CCDC148: variants seen among roughly 807,000 people sequenced by gnomAD.
CCDC148 encodes the protein coiled-coil domain-containing protein 148.
CCDC148 carries 89 observed loss-of-function variants against 85.7 expected under a neutral mutation model. The observed-to-expected ratio is 1.04, with a 90% CI of 0.87 to 1.24. The LOEUF is 1.24. Ranked by LOEUF, CCDC148 falls within the 50% of genes most tolerant of loss-of-function variation. The pLI is 0.00. For missense variants in CCDC148, 692 were observed against 671.7 expected, an observed-to-expected ratio of 1.03 and a Z score of -0.33; for synonymous variants, 230 against 213.9, an observed-to-expected ratio of 1.08 and a Z score of -0.66.
At chr2:158,243,511 T>C (rs941928745) in intron 10 of CCDC148, among the ~76,000 whole-genome samples, 1 of 152,142 alleles carries the variant, frequency 6.6e-6, no homozygotes, top group African/African-American at 2.4e-5. Context: ...CACAATCTTT[T>C]TGAAATAATC....
rs572405589 is a variant in CCDC148, at chr2:158,438,467, A to G, written c.25+17948T>C. Among the ~76,000 whole-genome samples, 157 of 152,340 alleles carry G rather than the reference A, an allele frequency of 1.0e-3. 5 individuals carry two copies. In the South Asian group the frequency reaches 0.03, roughly 29 times the overall value. On this transcript the variant is annotated intron_variant, in intron 1 of 13. Transcript: ENST00000283233. ...ATCCCTTCCTTACACCTTACACAAA[A>G]ATTAATTCAAGATGGATTAAAGACT...
intron 1 of CCDC148, among the ~76,000 whole-genome samples, chr2:158,449,454 C>T (rs1454971929): frequency 6.8e-6 from 1 of 147,842 alleles, no homozygotes; most frequent in Non-Finnish European, 1.5e-5. Context: ...TCCTTGGTTT[C>T]TTTTTTTTTT....
At chr2:158,315,039 T>A (rs1692215791) in intron 7 of CCDC148, among the ~76,000 whole-genome samples, 1 of 152,142 alleles carries the variant, frequency 6.6e-6, no homozygotes, top group Non-Finnish European at 1.5e-5. Flanking sequence ...CCTATCTGTT[T>A]CATAATAGGG....
intron 1 of CCDC148, among the ~76,000 whole-genome samples, chr2:158,424,452 C>G (rs555194313): frequency 2.6e-4 from 40 of 152,078 alleles, no homozygotes; most frequent in African/African-American, 8.7e-4. Flanking sequence ...TCATTCTCAG[C>G]AAACTATCAC....
chr2:158,408,210 T>G (rs1461115843), intron 1 of CCDC148, among the ~76,000 whole-genome samples: 1 of 152,190 alleles, frequency 6.6e-6, no homozygotes, highest in Non-Finnish European at 1.5e-5. Context: ...TCACCTCACA[T>G]AACCATTTTC....
chr2:158,259,110 T>TC (rs1689120012), intron 9 of CCDC148, among the ~76,000 whole-genome samples: 1 of 151,482 alleles, frequency 6.6e-6, no homozygotes, highest in Non-Finnish European at 1.5e-5. Flanking sequence ...GAGTGTTCTT[T>TC]CCCCCTCCCT....
intron 9 of CCDC148, among the ~76,000 whole-genome samples, chr2:158,276,487 C>T (rs375917099): frequency 1.3e-4 from 20 of 151,946 alleles, no homozygotes; most frequent in Non-Finnish European, 2.2e-4. Flanking sequence ...TTATGGGAGG[C>T]GAAGGTTGCA....
chr2:158,362,075 G>C (rs1683976149), intron 1 of CCDC148, among the ~76,000 whole-genome samples: 1 of 148,980 alleles, frequency 6.7e-6, no homozygotes, highest in South Asian at 2.1e-4. Context: ...AATCAAAAGA[G>C]ACAAGGTCAT....
chr2:158,315,598 C>T (rs983923893), intron 7 of CCDC148, among the ~76,000 whole-genome samples: 2 of 152,000 alleles, frequency 1.3e-5, no homozygotes, highest in Admixed American at 6.6e-5. Flanking sequence ...GTTCTCTGTT[C>T]CTCTAAATTG....
intron 10 of CCDC148, among the ~76,000 whole-genome samples, chr2:158,239,995 G>A (rs183826511): frequency 4.2e-4 from 64 of 152,198 alleles, no homozygotes; most frequent in African/African-American, 1.4e-3. Context: ...AAGATCACAT[G>A]TCTAGGAGTT....
At chr2:158,453,224 C>G (rs1688474057) in intron 1 of CCDC148, among the ~76,000 whole-genome samples, 2 of 152,188 alleles carry the variant, frequency 1.3e-5, no homozygotes, top group African/African-American at 4.8e-5. Flanking sequence ...ACAAAAATAA[C>G]CACACCATTT....
chr2:158,295,061 G>A (rs76910546), intron 9 of CCDC148, among the ~76,000 whole-genome samples: 7,061 of 152,018 alleles, frequency 0.046, 256 homozygotes, highest in East Asian at 0.14. Flanking sequence ...ATCTTCCTTG[G>A]TGAAGTGATT....
At chr2:158,265,484 G>A (rs147947371) in intron 9 of CCDC148, among the ~76,000 whole-genome samples, 2 of 151,876 alleles carry the variant, frequency 1.3e-5, no homozygotes, top group African/African-American at 2.4e-5. Context: ...TTTAATCTTC[G>A]AATACCACTG....
intron 11 of CCDC148, among the ~76,000 whole-genome samples, chr2:158,215,069 A>G (rs1686776635): frequency 6.6e-6 from 1 of 152,248 alleles, no homozygotes; most frequent in Admixed American, 6.5e-5. Flanking sequence ...ATGTAGAACT[A>G]TAAACATAGA....
Position 158,309,497 on chromosome 2 carries a change from A to C in CCDC148, c.1046T>G (p.Met349Arg), listed in dbSNP as rs777378363. Residue 349 changes from methionine (M) to arginine (R), a missense_variant, in exon 9 of 14, where the codon ATG (methionine) becomes AGG (arginine). Coordinates refer to ENST00000283233, the MANE Select transcript of CCDC148 (RefSeq NM_138803.4). ...TLTEACATHE[M>R]ESMLAKDKKK... is the part of the protein sequence containing the mutation. ...CTTGTCCTTAGCCAACATGCTCTCC[A>C]TTTCATGTGTTGCACAAGCCTCAGT... 1 of 1,614,164 alleles carries C rather than the reference A, an allele frequency of 6.2e-7. No individual in the cohort carries two copies.
At chr2:158,343,691 T>C (rs1012044750) in intron 3 of CCDC148, among the ~76,000 whole-genome samples, 4 of 152,196 alleles carry the variant, frequency 2.6e-5, no homozygotes, top group Non-Finnish European at 4.4e-5. Flanking sequence ...GTTAGGACTT[T>C]AACTACTTCT....
At chr2:158,184,426 G>C (rs1041857322) in intron 11 of CCDC148, among the ~76,000 whole-genome samples, 12 of 152,062 alleles carry the variant, frequency 7.9e-5, no homozygotes, top group African/African-American at 2.9e-4. Flanking sequence ...TATAATAGTG[G>C]GGGGAAATAA....
intron 9 of CCDC148, among the ~76,000 whole-genome samples, chr2:158,307,630 T>C (rs1047678968): frequency 9.9e-5 from 15 of 152,184 alleles, no homozygotes; most frequent in African/African-American, 2.7e-4. Flanking sequence ...ATTATCATAA[T>C]AGCAAAAACC....
intron 9 of CCDC148, among the ~76,000 whole-genome samples, chr2:158,287,643 G>A (rs1287146193): frequency 6.6e-6 from 1 of 152,210 alleles, no homozygotes; most frequent in Non-Finnish European, 1.5e-5. Context: ...GGGTTTCCGT[G>A]ATCTTGAGCA....
Sources: gnomAD v4.1 joint callset for allele counts (sites outside exome capture counted in the v4.1 genomes callset) on GRCh38, gnomAD v4.1.1 for gene constraint, MANE v1.5 for transcripts, NCBI Gene and HGNC (gene_info 2026-07-23, HGNC 2026-07-21) for gene names.